The following SHROOM3 variants were observed in gnomAD, a reference collection of about 807,000 sequenced individuals.
SHROOM3 encodes the protein protein Shroom3.
Under a neutral mutation model 138.6 loss-of-function variants are expected in SHROOM3, and 47 were observed. The observed-to-expected ratio is 0.34, with a 90% CI of 0.27 to 0.43. The LOEUF is 0.43. Among genes scored for constraint, SHROOM3 ranks in the 20% least tolerant of loss-of-function variants. The pLI, the probability that SHROOM3 is intolerant of heterozygous loss-of-function variation, is 1.00. For missense variants in SHROOM3, 2,491 were observed against 2,596.5 expected (o/e 0.96, Z 0.88); for synonymous variants, 1,062 against 1,063.3 (o/e 1.00, Z 0.02).
At chr4:76,737,646 G>A (rs981178961) in intron 4 of SHROOM3, among the ~76,000 whole-genome samples, 2 of 127,228 alleles carry the variant, frequency 1.6e-5, no homozygotes, top group African/African-American at 2.7e-5. Flanking sequence ...GTGGTATCTT[G>A]GTTTTGTTTG....
chr4:76,614,731 G>A (rs1174562173), intron 2 of SHROOM3, among the ~76,000 whole-genome samples: 1 of 152,054 alleles, frequency 6.6e-6, no homozygotes, highest in East Asian at 1.9e-4. Flanking sequence ...CCAGAAATCT[G>A]GATTTTTAAG....
intron 1 of SHROOM3, among the ~76,000 whole-genome samples, chr4:76,460,562 G>A (rs1731119613): frequency 6.6e-6 from 1 of 152,038 alleles, no homozygotes; most frequent in African/African-American, 2.4e-5. Flanking sequence ...AGAAGTCCAG[G>A]ATCAAGGTGT....
intron 1 of SHROOM3, among the ~76,000 whole-genome samples, chr4:76,465,029 C>T (rs1731224140): frequency 6.6e-6 from 1 of 152,166 alleles, no homozygotes. Context: ...TTTTGAGTGC[C>T]TGAACTAGCA....
chr4:76,673,312 T>C (rs943724133), intron 2 of SHROOM3, among the ~76,000 whole-genome samples: 4 of 152,228 alleles, frequency 2.6e-5, no homozygotes, highest in Admixed American at 6.5e-5. Context: ...ATAGTCTTAT[T>C]TGGGTCTTCA....
intron 1 of SHROOM3, among the ~76,000 whole-genome samples, chr4:76,465,572 C>T (rs1731234160): frequency 1.3e-5 from 2 of 152,222 alleles, no homozygotes; most frequent in Non-Finnish European, 2.9e-5. Context: ...GGCTTTCTCT[C>T]TCCCCTTTCA....
At chr4:76,469,717 A>T (rs935136551) in intron 1 of SHROOM3, among the ~76,000 whole-genome samples, 3 of 152,198 alleles carry the variant, frequency 2.0e-5, no homozygotes, top group African/African-American at 7.2e-5. Flanking sequence ...TTGGCCTCCC[A>T]AAGTGCTGGG....
At chr4:76,743,045 A>T (rs1721313471) in intron 5 of SHROOM3, among the ~76,000 whole-genome samples, 1 of 152,220 alleles carries the variant, frequency 6.6e-6, no homozygotes, top group Non-Finnish European at 1.5e-5. Context: ...TGACTAGTGA[A>T]TGCTTTGGGA....
intron 1 of SHROOM3, among the ~76,000 whole-genome samples, chr4:76,499,628 G>C (rs1355332530): frequency 6.6e-6 from 1 of 152,184 alleles, no homozygotes; most frequent in African/African-American, 2.4e-5. Context: ...GAGTAGACAT[G>C]CACGCTAGGC....
At chr4:76,766,150 G>C (rs147818087) in intron 9 of SHROOM3, among the ~76,000 whole-genome samples, 3,633 of 152,270 alleles carry the variant, frequency 0.024, 68 homozygotes, top group Non-Finnish European at 0.039. Context: ...GGTAAACGGG[G>C]ATAATAATAA....
intron 9 of SHROOM3, among the ~76,000 whole-genome samples, chr4:76,766,862 C>G (rs1722172937): frequency 6.6e-6 from 1 of 152,186 alleles, no homozygotes; most frequent in African/African-American, 2.4e-5. Flanking sequence ...TAATTCTGGC[C>G]TTAGCATCTG....
intron 2 of SHROOM3, among the ~76,000 whole-genome samples, chr4:76,593,295 C>T (rs957161363): frequency 4.6e-5 from 7 of 152,156 alleles, no homozygotes; most frequent in African/African-American, 7.2e-5. Context: ...TTTATCCACA[C>T]GACATACTAA....
chr4:76,446,319 A>C (rs1730802994), intron 1 of SHROOM3, among the ~76,000 whole-genome samples: 1 of 97,624 alleles, frequency 1.0e-5, no homozygotes, highest in African/African-American at 3.3e-5. Flanking sequence ...TATCTTGATA[A>C]ACTGGTAAAA....
chr4:76,474,095 T>C (rs1356483295), intron 1 of SHROOM3, among the ~76,000 whole-genome samples: 7 of 152,206 alleles, frequency 4.6e-5, no homozygotes, highest in African/African-American at 1.7e-4. Context: ...ATTGATGAAA[T>C]ATTATTCAGT....
intron 1 of SHROOM3, among the ~76,000 whole-genome samples, chr4:76,448,132 TTTTA>T: frequency 6.6e-6 from 1 of 152,312 alleles, no homozygotes. Flanking sequence ...TGTTAGATTC[TTTTA>T]TTTATTATTT....
intron 3 of SHROOM3, among the ~76,000 whole-genome samples, chr4:76,729,127 C>T (rs753379450): frequency 4.6e-5 from 7 of 152,234 alleles, no homozygotes; most frequent in South Asian, 2.1e-4. Flanking sequence ...CACAAAACTC[C>T]GTCAATAGGT....
At chr4:76,699,155 T>C (rs1318567571) in intron 2 of SHROOM3, among the ~76,000 whole-genome samples, 1 of 152,188 alleles carries the variant, frequency 6.6e-6, no homozygotes, top group Non-Finnish European at 1.5e-5. Context: ...TCAGAGAGAA[T>C]AGTGGCCAGG....
rs375793207 is a variant in SHROOM3, at chr4:76,500,114, A to C, written c.169-55495A>C. Among the ~76,000 whole-genome samples the C allele has an allele frequency of 1.7e-3, 258 of 152,286 alleles. 1 individual carries two copies. Among genetic ancestry groups the C allele is most frequent in the African/African-American group, 5.9e-3 (246 of 41,582 alleles). ...CATCTGACTTCAGAGTCCATGCTCC[A>C]GTTCGGACATTAGACAGTGAGCTTG... On this transcript the variant is annotated intron_variant, in intron 1 of 10. Transcript: ENST00000296043.
chr4:76,581,801 T>C (rs555844912), intron 2 of SHROOM3, among the ~76,000 whole-genome samples: 32 of 152,352 alleles, frequency 2.1e-4, no homozygotes, highest in African/African-American at 7.2e-4. Context: ...GAAACCTATA[T>C]GTGGGAATTT....
intron 2 of SHROOM3, among the ~76,000 whole-genome samples, chr4:76,605,667 A>C (rs1734597861): frequency 6.6e-6 from 1 of 152,100 alleles, no homozygotes; most frequent in South Asian, 2.1e-4. Context: ...AAACCTAATT[A>C]AGTTGCTGAA....
Sources: allele counts gnomAD v4.1 joint callset (sites outside exome capture counted in the v4.1 genomes callset), GRCh38; gene constraint gnomAD v4.1.1; transcripts MANE v1.5; gene names NCBI Gene and HGNC (gene_info 2026-07-23, HGNC 2026-07-21).